CHD6: variants seen among roughly 807,000 people sequenced by gnomAD.
The protein encoded by CHD6 is ATP-dependent chromatin remodeler CHD6.
In CHD6, 50 loss-of-function variants were observed where a neutral mutation model predicts 276.9. The observed-to-expected ratio is 0.18, with a 90% confidence interval of 0.14 to 0.23. The LOEUF is 0.23. Ranked by LOEUF, CHD6 falls within the 10% of genes least tolerant of loss-of-function variation. CHD6 has a pLI of 1.00. For missense variants in CHD6, 2,564 were observed against 3,365.8 expected (o/e 0.76, Z 5.89); for synonymous variants, 1,173 against 1,229.3 (o/e 0.95, Z 0.96).
At chr20:41,617,295 A>G (rs1489452659) in intron 1 of CHD6, among the ~76,000 whole-genome samples, 1 of 152,168 alleles carries the variant, frequency 6.6e-6, no homozygotes, top group Non-Finnish European at 1.5e-5. Context: ...CGAGCTCAAA[A>G]TTGAATTATA....
intron 2 of CHD6, among the ~76,000 whole-genome samples, chr20:41,535,244 A>T (rs2044801115): frequency 2.0e-5 from 3 of 152,362 alleles, no homozygotes; most frequent in Admixed American, 6.5e-5. Flanking sequence ...CTTAGGCAAT[A>T]GCAAGAGCTG....
chr20:41,430,339 A>C (rs2047496957), intron 27 of CHD6, among the ~76,000 whole-genome samples: 1 of 152,226 alleles, frequency 6.6e-6, no homozygotes, highest in South Asian at 2.1e-4. Context: ...TAACTCTAAT[A>C]TATAAGAGCG....
intron 3 of CHD6, among the ~76,000 whole-genome samples, chr20:41,531,791 A>G (rs1355825424): frequency 1.3e-5 from 2 of 152,190 alleles, no homozygotes; most frequent in African/African-American, 4.8e-5. Flanking sequence ...GAACTGAACC[A>G]TATAGTAAAC....
At chr20:41,413,630 T>C in intron 34 of CHD6, 115 bp from the exon 35 acceptor site, 1 of 906,780 alleles carries the variant, frequency 1.1e-6, no homozygotes. Context: ...ACCCTGATAT[T>C]ACTCAGCTGG....
At chr20:41,494,447 T>G (rs558378272) in intron 8 of CHD6, among the ~76,000 whole-genome samples, 2 of 152,234 alleles carry the variant, frequency 1.3e-5, no homozygotes, top group Non-Finnish European at 2.9e-5. Context: ...ATGCACACTA[T>G]GCTTCAAAAA....
intron 20 of CHD6, 138 bp from the exon 21 acceptor site, chr20:41,453,080 A>C: frequency 1.5e-6 from 1 of 660,704 alleles, no homozygotes. Context: ...TATTCCCAGC[A>C]CACCTGCTGT....
chr20:41,532,453 T>G (rs1601099965), intron 3 of CHD6, among the ~76,000 whole-genome samples: 1 of 152,152 alleles, frequency 6.6e-6, no homozygotes, highest in African/African-American at 2.4e-5. Context: ...TCATAGCAGC[T>G]CCTCTGCCAC....
intron 22 of CHD6, 88 bp from the exon 23 acceptor site, chr20:41,451,193 G>C (rs1453162068): frequency 8.4e-7 from 1 of 1,195,450 alleles, no homozygotes; most frequent in Non-Finnish European, 1.2e-6. Context: ...GGGTTTGTTA[G>C]AACAGAGTTG....
intron 2 of CHD6, among the ~76,000 whole-genome samples, chr20:41,540,879 G>T (rs1205333876): frequency 1.3e-5 from 2 of 152,088 alleles, no homozygotes; most frequent in African/African-American, 4.8e-5. Flanking sequence ...AGTGGTAACT[G>T]TTTCTATTAA....
At chr20:41,547,639 T>C (rs1028292185) in intron 2 of CHD6, 18 of 675,830 alleles carry the variant, frequency 2.7e-5, no homozygotes, top group East Asian at 8.5e-5. Flanking sequence ...CAGATTGAGG[T>C]GGTACCTTCT....
intron 30 of CHD6, among the ~76,000 whole-genome samples, chr20:41,422,429 A>G (rs1232642753): frequency 6.6e-6 from 1 of 152,156 alleles, no homozygotes; most frequent in East Asian, 1.9e-4. Context: ...ACTTGAGGCC[A>G]GGAGTTCAAG....
At chr20:41,440,292 C>T (rs2047859439) in intron 25 of CHD6, among the ~76,000 whole-genome samples, 163 bp from the exon 26 acceptor site, 1 of 152,238 alleles carries the variant, frequency 6.6e-6, no homozygotes, top group African/African-American at 2.4e-5. Flanking sequence ...AGGGAAAAAT[C>T]CTGGTGCTAA....
intron 5 of CHD6, among the ~76,000 whole-genome samples, chr20:41,500,475 A>T (rs184277415): frequency 5.6e-4 from 85 of 152,336 alleles, no homozygotes; most frequent in Middle Eastern, 3.4e-3. Flanking sequence ...AAGCTCTCTC[A>T]GACACATGGC....
chr20:41,537,874 T>TACAC lies in CHD6; in HGVS notation c.34-4308_34-4305dup, dbSNP rs149184928. ...AATGATCCAGCAATTCCATCATAGATACACACACACACACATATACACAGA... is the reference window on the plus strand; with the variant it reads ...AATGATCCAGCAATTCCATCATAGATACACACACACACACACACATATACACAGA... On this transcript the variant is annotated intron_variant, in intron 2 of 36. Transcript: ENST00000373233. Among the ~76,000 whole-genome samples, 349 of 151,484 alleles carry TACAC rather than the reference T, an allele frequency of 2.3e-3. 1 individual carries two copies. Among genetic ancestry groups the TACAC allele is most frequent in the East Asian group, 6.4e-3 (33 of 5,168 alleles).
At chr20:41,489,033 G>T (rs546104533) in intron 12 of CHD6, among the ~76,000 whole-genome samples, 1 of 152,262 alleles carries the variant, frequency 6.6e-6, no homozygotes, top group South Asian at 2.1e-4. Flanking sequence ...TTCTAGCACA[G>T]ATTGAAGGTA....
Position 41,420,865 on chromosome 20 carries a change from G to C in CHD6, c.5770C>G (p.Pro1924Ala). The C allele has an allele frequency of 6.2e-7, 1 of 1,614,208 alleles. No homozygotes were observed. Among genetic ancestry groups the C allele is most frequent in the Non-Finnish European group, 8.5e-7 (1 of 1,180,050 alleles). ...KGSLEVANQT[P>A]GLQRAFPAPA... ...GCGGGGAAAGCCCTCTGTAGCCCAG[G>C]AGTCTGGTTTGCCACCTCTAAGCTT... The change falls in exon 31 of 37, where the codon CCT becomes GCT. Residue 1924 changes from proline (P) to alanine (A), a missense_variant. Physicochemically the swap from Pro to Ala is conservative, Grantham distance 27. This residue lies in a region of CHD6 where 1,024 missense variants were observed against 1,047.9 expected (regional missense o/e 0.98). Coordinates refer to ENST00000373233, the MANE Select transcript of CHD6 (RefSeq NM_032221.5).
chr20:41,480,573 G>C (rs776718257), intron 16 of CHD6, among the ~76,000 whole-genome samples: 1 of 152,136 alleles, frequency 6.6e-6, no homozygotes, highest in East Asian at 1.9e-4. Context: ...GAGAGGACAG[G>C]AAGTTGTATA....
rs778582834 is a variant in CHD6, at chr20:41,416,758, G to A, written c.6316C>T (p.His2106Tyr). Residue 2106 changes from histidine to tyrosine, a missense_variant, in exon 33 of 37, where the codon CAC (histidine) becomes TAC (tyrosine). Coordinates refer to ENST00000373233, the MANE Select transcript of CHD6 (RefSeq NM_032221.5). ...VIINRLDNICHVVLKGKWPSS... is the reference protein window; with the variant it reads ...VIINRLDNICYVVLKGKWPSS... ...GGCCACTTCCCCTTTAACACCACGT[G>A]GCAGATATTATCTAGGCGGTTAATT... is the stretch of plus-strand genomic sequence containing the variant. The A allele has an allele frequency of 2.5e-6, 4 of 1,607,474 alleles. No homozygotes were observed. In the South Asian group the frequency reaches 4.4e-5, roughly 18 times the overall value.
rs2047150980 is a variant in CHD6, at chr20:41,420,504, G to A, written c.6127+4C>T. ...AAAATGCCACAAGATCCTACATACT[G>A]TACCTTGACTATGGCAGTTTCCGTC... On this transcript the variant is annotated splice_donor_region_variant and intron_variant, in intron 31 of 36. Transcript: ENST00000373233. 1.2e-6 allele frequency: 2 copies of A among 1,605,110 alleles called. No homozygotes were observed. Among genetic ancestry groups the A allele is most frequent in the Non-Finnish European group, 1.7e-6 (2 of 1,177,656 alleles).
Sources: gnomAD v4.1 joint callset for allele counts (sites outside exome capture counted in the v4.1 genomes callset) on GRCh38, gnomAD v4.1.1 for gene constraint, gnomAD v4.1.1 regional missense constraint, MANE v1.5 for transcripts, NCBI Gene and HGNC (gene_info 2026-07-23, HGNC 2026-07-21) for gene names.